The following DAB2IP variants were observed in gnomAD, a reference collection of about 807,000 sequenced individuals.
The protein encoded by DAB2IP is disabled homolog 2-interacting protein.
DAB2IP carries 28 observed loss-of-function variants against 107.2 expected under a neutral mutation model. That is an observed-to-expected ratio of 0.26 (90% CI 0.19 to 0.36). The LOEUF (loss-of-function observed/expected upper bound fraction) is 0.36. DAB2IP is among the 10% of genes least tolerant of loss of function. The pLI is 1.00. For synonymous variants in DAB2IP, 755 were observed against 706.4 expected (o/e 1.07, Z -1.09); for missense variants, 1,400 against 1,644.7 (o/e 0.85, Z 2.57).
intron 14 of DAB2IP, among the ~76,000 whole-genome samples, chr9:121,777,159 A>T (rs1835261785): frequency 6.6e-6 from 1 of 152,136 alleles, no homozygotes; most frequent in Non-Finnish European, 1.5e-5. Context: ...CCTTCTCAGT[A>T]ATACCAGGCA....
At chr9:121,778,964 A>G (rs996795121) in intron 14 of DAB2IP, among the ~76,000 whole-genome samples, 1 of 151,822 alleles carries the variant, frequency 6.6e-6, no homozygotes, top group Non-Finnish European at 1.5e-5. Flanking sequence ...TTGGATTTGT[A>G]TGTCTGCAGT....
chr9:121,613,582 T>C (rs1831165622), intron 1 of DAB2IP, among the ~76,000 whole-genome samples: 1 of 152,124 alleles, frequency 6.6e-6, no homozygotes, highest in South Asian at 2.1e-4. Context: ...TTAGATCAGC[T>C]CCACTGGCCC....
intron 1 of DAB2IP, among the ~76,000 whole-genome samples, chr9:121,593,673 C>CTTTTTTTTTTTTTTTTT (rs71370677): frequency 9.0e-6 from 1 of 110,930 alleles, no homozygotes; most frequent in South Asian, 3.1e-4. Context: ...CTTTTTTTTT[C>CTTTTTTTTTTTTTTTTT]TTTTTTTTTT....
chr9:121,589,622 A>G (rs935882484), intron 1 of DAB2IP, among the ~76,000 whole-genome samples: 1 of 151,996 alleles, frequency 6.6e-6, no homozygotes, highest in Non-Finnish European at 1.5e-5. Flanking sequence ...TGACATTGTT[A>G]CCTGTCTCTT....
chr9:121,646,738 C>T (rs1191307632), upstream of DAB2IP, among the ~76,000 whole-genome samples: 1 of 152,006 alleles, frequency 6.6e-6, no homozygotes, highest in East Asian at 1.9e-4. Context: ...CGCCCCTAGC[C>T]TCCTCCTGTC....
intron 7 of DAB2IP, 42 bp downstream of exon 7, chr9:121,763,691 C>G (rs1587979031): frequency 6.2e-7 from 1 of 1,611,456 alleles, no homozygotes; most frequent in Admixed American, 1.7e-5. Flanking sequence ...TGGGGCAGGG[C>G]CCGCCAGGTC....
intron 13 of DAB2IP, 111 bp downstream of exon 13, chr9:121,774,523 G>C (rs977653505): frequency 3.2e-5 from 41 of 1,275,028 alleles, no homozygotes; most frequent in Non-Finnish European, 4.3e-5. Flanking sequence ...TCCTTGTGAA[G>C]GGCCCGTCAC....
At chr9:121,734,302 A>G (rs529411036) in intron 3 of DAB2IP, among the ~76,000 whole-genome samples, 5 of 149,660 alleles carry the variant, frequency 3.3e-5, no homozygotes, top group Admixed American at 1.3e-4. Context: ...GCGTGAACCC[A>G]GGAAGCGGAG....
intron 3 of DAB2IP, among the ~76,000 whole-genome samples, chr9:121,725,891 GA>G (rs1235697463): frequency 6.6e-6 from 1 of 152,156 alleles, no homozygotes; most frequent in East Asian, 1.9e-4. Flanking sequence ...GAAGAGATGG[GA>G]CCTAGATAGA....
rs751241994 is a variant in DAB2IP, at chr9:121,782,504, C to T, written c.*6C>T. 6.2e-7 allele frequency: 1 copy of T among 1,613,196 alleles called. No homozygotes were observed. The highest frequency in any genetic ancestry group is 1.1e-5 in the South Asian group (1 of 91,010). On this transcript the variant is annotated 3_prime_UTR_variant, in exon 16 of 16. Coordinates refer to ENST00000408936, the Ensembl canonical transcript of DAB2IP. The surrounding 1 kb of genome is among the most constrained non-coding windows in gnomAD (Gnocchi z 6.1). ...GAAACAGCAGCAATTGTTAACCTGC[C>T]TGAGGAGGGAGGAAGCTACCCAAGG...
At chr9:121,636,328 TC>T (rs1832087140) in intron 1 of DAB2IP, among the ~76,000 whole-genome samples, 1 of 152,078 alleles carries the variant, frequency 6.6e-6, no homozygotes, top group African/African-American at 2.4e-5. Flanking sequence ...CTGCTTTTAT[TC>T]TCCTTTTAGC....
At chr9:121,714,139 C>T (rs554357381) in intron 3 of DAB2IP, among the ~76,000 whole-genome samples, 72 of 152,284 alleles carry the variant, frequency 4.7e-4, no homozygotes, top group African/African-American at 1.7e-3. Flanking sequence ...TTTGAGATCC[C>T]ACAACCTGCC....
chr9:121,598,846 G>A (rs1017908640), intron 1 of DAB2IP, among the ~76,000 whole-genome samples: 6 of 152,240 alleles, frequency 3.9e-5, no homozygotes, highest in African/African-American at 1.2e-4. Flanking sequence ...CGTTCGCCCC[G>A]CTCTGGCCTC....
intron 3 of DAB2IP, among the ~76,000 whole-genome samples, chr9:121,715,273 C>G (rs1830538513): frequency 6.6e-6 from 1 of 152,102 alleles, no homozygotes; most frequent in Admixed American, 6.5e-5. Flanking sequence ...ACAGCCAGGC[C>G]TCTTTGCTTT....
intron 8 of DAB2IP, among the ~76,000 whole-genome samples, 157 bp downstream of exon 8, chr9:121,764,036 C>CG (rs1184273784): frequency 6.6e-6 from 1 of 152,232 alleles, no homozygotes; most frequent in Non-Finnish European, 1.5e-5. Flanking sequence ...GGTGGGGCAG[C>CG]GTTCAGCATG....
intron 1 of DAB2IP, among the ~76,000 whole-genome samples, chr9:121,577,769 G>A (rs997741846): frequency 1.5e-4 from 23 of 151,548 alleles, no homozygotes; most frequent in Non-Finnish European, 2.9e-4. Flanking sequence ...ACAGCTCTTA[G>A]GTGGCGGTGG....
intron 1 of DAB2IP, among the ~76,000 whole-genome samples, chr9:121,606,187 CA>C (rs1830864600): frequency 6.6e-6 from 1 of 151,332 alleles, no homozygotes. Context: ...AATAAAAATA[CA>C]AAAAGAAAAA....
chr9:121,641,927 T>TTCTC (rs1832315796), intron 1 of DAB2IP, among the ~76,000 whole-genome samples: 2 of 144,462 alleles, frequency 1.4e-5, no homozygotes, highest in African/African-American at 5.3e-5. Flanking sequence ...CTTTCTTTCT[T>TTCTC]TCTTTCTTTC....
At chr9:121,686,617 A>C (rs759350547) in intron 2 of DAB2IP, among the ~76,000 whole-genome samples, 4 of 152,058 alleles carry the variant, frequency 2.6e-5, no homozygotes, top group Non-Finnish European at 4.4e-5. Flanking sequence ...AGTCCCCCCA[A>C]CCCAGGGATG....
Sources: allele counts gnomAD v4.1 joint callset (sites outside exome capture counted in the v4.1 genomes callset), GRCh38; gene constraint gnomAD v4.1.1; non-coding constraint Gnocchi (gnomAD v3.1); transcripts MANE v1.5; gene names NCBI Gene and HGNC (gene_info 2026-07-23, HGNC 2026-07-21).